Variants in TRPC7 observed in about 807,000 individuals in gnomAD.
TRPC7 encodes the protein transient receptor potential cation channel subfamily C member 7.
Under a neutral mutation model 90.1 loss-of-function variants are expected in TRPC7, and 42 were observed. The ratio of observed to expected loss-of-function variants is 0.47; its 90% CI spans 0.36 to 0.60. TRPC7 has a LOEUF of 0.60. Among genes scored for constraint, TRPC7 ranks in the 20% least tolerant of loss-of-function variants. TRPC7 has a pLI of 0.00. For synonymous variants in TRPC7, 451 were observed against 436.3 expected (o/e 1.03, Z -0.42); for missense variants, 955 against 1,112.3 (o/e 0.86, Z 2.01).
rs755897748 is a variant in TRPC7, at chr5:136,356,809, G to C, written c.579C>G (p.Pro193=). The change falls in exon 2 of 12, where the codon CCC becomes CCG. Residue 193 remains proline (P), a synonymous_variant. Coordinates refer to ENST00000513104, the MANE Select transcript of TRPC7 (RefSeq NM_020389.3). ...LLLKGARIER[P]HDYFCKCNEC... ...CATTGCACTTGCAGAAGTAGTCGTGGGGCCGCTCGATGCGGGCGCCCTTGA... is the reference window on the plus strand; with the variant it reads ...CATTGCACTTGCAGAAGTAGTCGTGCGGCCGCTCGATGCGGGCGCCCTTGA... The C allele has an allele frequency of 6.2e-7, 1 of 1,613,376 alleles. No homozygotes were observed. Among genetic ancestry groups the C allele is most frequent in the Non-Finnish European group, 8.5e-7 (1 of 1,179,542 alleles).
At chr5:136,322,039 G>A (rs1381143168) in intron 2 of TRPC7, among the ~76,000 whole-genome samples, 1 of 151,522 alleles carries the variant, frequency 6.6e-6, no homozygotes, top group African/African-American at 2.4e-5. Context: ...TTTTAAGACG[G>A]AGTTTCACTC....
At chr5:136,337,305 T>C (rs1370908837) in intron 2 of TRPC7, among the ~76,000 whole-genome samples, 1 of 152,220 alleles carries the variant, frequency 6.6e-6, no homozygotes, top group East Asian at 1.9e-4. Flanking sequence ...TCCTGATTTT[T>C]TTAGCTTAAT....
At chr5:136,326,741 T>C (rs1434502569) in intron 2 of TRPC7, among the ~76,000 whole-genome samples, 2 of 152,162 alleles carry the variant, frequency 1.3e-5, no homozygotes, top group Non-Finnish European at 1.5e-5. Flanking sequence ...AGAATTATAT[T>C]TTACCAGGGT....
intron 4 of TRPC7, among the ~76,000 whole-genome samples, chr5:136,269,421 G>T (rs1424561664): frequency 6.6e-6 from 1 of 152,206 alleles, no homozygotes; most frequent in Non-Finnish European, 1.5e-5. Flanking sequence ...TGTGTTCCAT[G>T]CCACTGGGCT....
At chr5:136,266,797 C>A (rs139941687) in intron 4 of TRPC7, among the ~76,000 whole-genome samples, 101 of 152,170 alleles carry the variant, frequency 6.6e-4, no homozygotes, top group African/African-American at 2.4e-3. Context: ...TTTGAGTGCT[C>A]GGTTTTTGTT....
chr5:136,274,916 A>G (rs990709099), intron 3 of TRPC7, 79 bp from the exon 4 acceptor site: 3 of 1,449,552 alleles, frequency 2.1e-6, no homozygotes, highest in Admixed American at 2.3e-5. Context: ...TATACAACCT[A>G]GGAGTAGCTG....
intron 3 of TRPC7, among the ~76,000 whole-genome samples, chr5:136,276,379 G>C (rs1205899582): frequency 6.6e-6 from 1 of 152,148 alleles, no homozygotes; most frequent in African/African-American, 2.4e-5. Context: ...GTCATGTGCT[G>C]ATTTTCATCT....
Position 136,213,602 on chromosome 5 carries a change from C to G in TRPC7, c.2422G>C (p.Glu808Gln), listed in dbSNP as rs767313749. The change falls in exon 12 of 12, where the codon GAG (glutamate) becomes CAG (glutamine). Residue 808 changes from glutamate (E) to glutamine (Q), a missense_variant and splice_region_variant. Physicochemically the swap from Glu to Gln is conservative, Grantham distance 29 (BLOSUM62 2). Coordinates refer to ENST00000513104, the MANE Select transcript of TRPC7 (RefSeq NM_020389.3). ...ATATCTTGCTTGATTTCCTTCAGCT[C>G]GCCTGCAAGGACAGAGGAGATTTTG... is the stretch of plus-strand genomic sequence containing the variant. ...DRENDEVNEG[E>Q]LKEIKQDISS... is the part of the protein sequence containing the mutation. The G allele has an allele frequency of 6.2e-7, 1 of 1,613,828 alleles. No individual in the cohort carries two copies. Among genetic ancestry groups the G allele is most frequent in the Non-Finnish European group, 8.5e-7 (1 of 1,179,882 alleles).
At chr5:136,290,771 A>G (rs1326344742) in intron 3 of TRPC7, among the ~76,000 whole-genome samples, 2 of 152,214 alleles carry the variant, frequency 1.3e-5, no homozygotes, top group Non-Finnish European at 2.9e-5. Context: ...CCAACATTCA[A>G]ATTCAGGAAA....
intron 2 of TRPC7, among the ~76,000 whole-genome samples, chr5:136,339,664 A>G (rs1356805283): frequency 1.3e-5 from 2 of 152,094 alleles, no homozygotes. Context: ...GCATGAAGAC[A>G]ATTTTGACAT....
At chr5:136,301,258 G>A (rs72667125) in intron 3 of TRPC7, among the ~76,000 whole-genome samples, 27,497 of 150,586 alleles carry the variant, frequency 0.18, 3,973 homozygotes, top group African/African-American at 0.39. Context: ...AACTCCTGAC[G>A]TCAGATGATC....
chr5:136,347,992 G>T (rs1172856064), intron 2 of TRPC7, among the ~76,000 whole-genome samples: 2 of 152,240 alleles, frequency 1.3e-5, no homozygotes, highest in Non-Finnish European at 2.9e-5. Flanking sequence ...TGCTGGTGGA[G>T]ATGCACTAGT....
Position 136,315,649 on chromosome 5 carries a change from T to G in TRPC7, c.911A>C (p.His304Pro). The change falls in exon 3 of 12, where the codon CAC (histidine) becomes CCC (proline). Residue 304 changes from histidine (H) to proline (P), a missense_variant. His to Pro is a moderately conservative substitution (Grantham distance 77). This residue lies in a region of TRPC7 where 484 missense variants were observed against 509.6 expected (regional missense o/e 0.95). Transcript: ENST00000513104. ...DVNFQVWSDHHRPSLSRIKLA... is the reference protein window; with the variant it reads ...DVNFQVWSDHPRPSLSRIKLA... ...TTTGATCCGGCTCAGACTTGGACGG[T>G]GGTGGTCGGACCAGACTTGGAAGTT... is the stretch of plus-strand genomic sequence containing the variant. The G allele has an allele frequency of 6.2e-7, 1 of 1,613,912 alleles. No homozygotes were observed. Among genetic ancestry groups the G allele is most frequent in the Non-Finnish European group, 8.5e-7 (1 of 1,179,858 alleles).
chr5:136,281,146 A>C (rs1325767025), intron 3 of TRPC7, among the ~76,000 whole-genome samples: 1 of 151,958 alleles, frequency 6.6e-6, no homozygotes, highest in African/African-American at 2.4e-5. Flanking sequence ...TGCTGCTAGA[A>C]CTCTTATCTC....
At chr5:136,301,947 C>A (rs866364554) in intron 3 of TRPC7, among the ~76,000 whole-genome samples, 1 of 152,254 alleles carries the variant, frequency 6.6e-6, no homozygotes, top group Non-Finnish European at 1.5e-5. Context: ...CTCACACCGA[C>A]CAGCCCAAGA....
chr5:136,241,123 T>C lies in TRPC7; in HGVS notation c.1844+6348A>G, dbSNP rs568090101. On this transcript the variant is annotated intron_variant, in intron 7 of 11. Transcript: ENST00000513104. The stretch of plus-strand genomic sequence containing the variant: ...TGGGGCTGAATCAGTGCCTCCTGAA[T>C]CCCTCCCTCATAAAGTATGGAAATT... Among the ~76,000 whole-genome samples, 13 of 152,150 alleles carry C rather than the reference T, an allele frequency of 8.5e-5. No individual in the cohort carries two copies. In the South Asian group the frequency reaches 2.7e-3, roughly 32 times the overall value.
At chr5:136,313,149 C>T (rs1758891484) in intron 3 of TRPC7, among the ~76,000 whole-genome samples, 1 of 151,920 alleles carries the variant, frequency 6.6e-6, no homozygotes, top group South Asian at 2.1e-4. Flanking sequence ...TTAAGAAAAA[C>T]AGAAAACAAA....
intron 10 of TRPC7, among the ~76,000 whole-genome samples, chr5:136,217,372 T>A (rs991324059): frequency 2.6e-5 from 4 of 152,212 alleles, no homozygotes; most frequent in African/African-American, 9.6e-5. Context: ...CTCATTATCA[T>A]CAATTATGGT....
Position 136,266,336 on chromosome 5 carries a change from A to T in TRPC7, c.1229T>A (p.Phe410Tyr), listed in dbSNP as rs770351367. Reference protein sequence around the residue: ...GLLVVNASDRFEGVKTLPNET... With the variant: ...GLLVVNASDRYEGVKTLPNET... ...GTTTGGCAGGGTTTTAACACCTTCA[A>T]ATCGGTCAGATGCATTCACAACTAA... Residue 410 changes from phenylalanine (F) to tyrosine (Y), a missense_variant, in exon 5 of 12, where the codon TTT becomes TAT. Physicochemically the swap from Phe to Tyr is conservative, Grantham distance 22 (BLOSUM62 3). Transcript: ENST00000513104. 1 of 1,613,910 alleles carries T rather than the reference A, an allele frequency of 6.2e-7. No individual in the cohort carries two copies.
Sources: allele counts gnomAD v4.1 joint callset (sites outside exome capture counted in the v4.1 genomes callset), GRCh38; gene constraint gnomAD v4.1.1; regional missense constraint gnomAD v4.1.1; transcripts MANE v1.5; gene names NCBI Gene and HGNC (gene_info 2026-07-23, HGNC 2026-07-21).